SGCZ: variants seen among roughly 807,000 people sequenced by gnomAD.
The protein encoded by SGCZ is sarcoglycan zeta.
SGCZ carries 40 observed loss-of-function variants against 41.3 expected under a neutral mutation model. That is an observed-to-expected ratio of 0.97 (90% CI 0.75 to 1.26). The LOEUF is 1.26. SGCZ is among the 50% of genes most tolerant of loss of function. The probability of loss-of-function intolerance (pLI) is 0.00; values close to 1 mark genes in which losing one functional copy is unlikely to be tolerated. For synonymous variants in SGCZ, 206 were observed against 137.5 expected (o/e 1.50, Z -3.49); for missense variants, 552 against 369.8 (o/e 1.49, Z -4.04).
rs748773585 is a variant in SGCZ at position 14,324,240 on chromosome 8, A to G, written c.235-36T>C. The G allele has an allele frequency of 4.1e-6, 6 of 1,462,242 alleles. No individual in the cohort carries two copies. The East Asian group carries it at 1.4e-4, about 33-fold the overall frequency. 90.6% of individuals were successfully genotyped at this position (1,462,242 alleles called of 1,614,324 possible). A position where few individuals can be genotyped will look rare whatever the true frequency, so the allele number is the denominator to read the frequency against. ...TGAAATATAGTTCACTTTTAGGTTA[A>G]TTGGAGAATGAATATCTGGCCATAA... On this transcript the variant is annotated intron_variant, in intron 2 of 7. Transcript: ENST00000382080.
At chr8:14,221,658 G>C (rs1871101) in intron 4 of SGCZ, among the ~76,000 whole-genome samples, 7,194 of 151,964 alleles carry the variant, frequency 0.047, 212 homozygotes, top group Middle Eastern at 0.095. Context: ...AAGTGGGGTC[G>C]GGTGTGGTGG....
chr8:14,421,921 G>C (rs1799647747), intron 2 of SGCZ, among the ~76,000 whole-genome samples: 1 of 152,028 alleles, frequency 6.6e-6, no homozygotes, highest in Non-Finnish European at 1.5e-5. Context: ...GAAGCTTATG[G>C]GCCAAGACTT....
intron 1 of SGCZ, among the ~76,000 whole-genome samples, chr8:15,061,569 A>C (rs757179311): frequency 6.6e-6 from 1 of 151,884 alleles, no homozygotes; most frequent in Non-Finnish European, 1.5e-5. Flanking sequence ...ATAAATAAAT[A>C]AAAGGGCTTG....
intron 1 of SGCZ, among the ~76,000 whole-genome samples, chr8:14,638,406 A>G (rs1806906440): frequency 6.6e-6 from 1 of 151,828 alleles, no homozygotes; most frequent in Non-Finnish European, 1.5e-5. Context: ...TACATTCTCA[A>G]TGTCTCCCAG....
chr8:14,354,591 G>C (rs11991390), intron 2 of SGCZ, among the ~76,000 whole-genome samples: 1 of 151,460 alleles, frequency 6.6e-6, no homozygotes. Flanking sequence ...TAATACAAGA[G>C]TAAACTAGAG....
rs60363368 is a variant in SGCZ at position 15,097,916 on chromosome 8, G to GTATATA, written c.39+139663_39+139668dup. On this transcript the variant is annotated intron_variant, in intron 1 of 7. Transcript: ENST00000382080. ...TATATATATATATATATATACGTGT[G>GTATATA]TATATATATATATATACATACATAC... Among the ~76,000 whole-genome samples, 322 of 79,976 alleles carry GTATATA rather than the reference G, an allele frequency of 4.0e-3. 6 individuals carry two copies. The highest frequency in any genetic ancestry group is 5.8e-3 in the Non-Finnish European group (222 of 38,458). The allele number at this position is 79,976 out of a possible 152,430, so 52.5% of individuals were successfully genotyped here. A position where few individuals can be genotyped will look rare whatever the true frequency, so the allele number is the denominator to read the frequency against.
At chr8:15,025,059 T>C (rs1054796569) in intron 1 of SGCZ, among the ~76,000 whole-genome samples, 1 of 152,016 alleles carries the variant, frequency 6.6e-6, no homozygotes, top group Non-Finnish European at 1.5e-5. Context: ...CTTAAAATAC[T>C]CTCTAGGTTT....
Position 14,946,004 on chromosome 8 carries a change from CCATATA to C in SGCZ, c.39+291575_39+291580del, listed in dbSNP as rs1407431901. On this transcript the variant is annotated intron_variant, in intron 1 of 7. Coordinates refer to ENST00000382080, the MANE Select transcript of SGCZ (RefSeq NM_139167.4). ...AAGCCAATTCCCCTACTAAATGTCC[CCATATA>C]TATATATATATATATATATATATAT... 4.2e-3 allele frequency among the ~76,000 whole-genome samples: 190 copies of C among 45,754 alleles called. 7 individuals are homozygous for C. Among genetic ancestry groups the C allele is most frequent in the African/African-American group, 0.014 (157 of 11,318 alleles). 30.0% of individuals were successfully genotyped at this position (45,754 alleles called of 152,430 possible). A position where few individuals can be genotyped will look rare whatever the true frequency, so the allele number is the denominator to read the frequency against.
chr8:14,275,246 G>A (rs1222456995), intron 3 of SGCZ, among the ~76,000 whole-genome samples: 3 of 152,128 alleles, frequency 2.0e-5, no homozygotes, highest in Non-Finnish European at 4.4e-5. Context: ...GCCTAAATGA[G>A]ACTGCAAGTT....
intron 3 of SGCZ, chr8:14,319,414 C>G (rs2117020402): frequency 6.6e-6 from 1 of 152,088 alleles, no homozygotes; most frequent in Middle Eastern, 3.4e-3. Flanking sequence ...CAGTCAGACA[C>G]CCGAAGCATG....
chr8:14,643,796 T>C (rs1807111543), intron 1 of SGCZ, among the ~76,000 whole-genome samples: 1 of 151,756 alleles, frequency 6.6e-6, no homozygotes, highest in Non-Finnish European at 1.5e-5. Flanking sequence ...AGTCACATCC[T>C]AAATTGAAGG....
intron 1 of SGCZ, among the ~76,000 whole-genome samples, chr8:15,186,262 CAAAAAAA>C (rs61237091): frequency 3.7e-5 from 3 of 80,712 alleles, no homozygotes; most frequent in East Asian, 3.1e-4. Flanking sequence ...GATTCCGTAC[CAAAAAAA>C]AAAAAAAAAA....
At chr8:14,212,732 C>A (rs1805859818) in intron 4 of SGCZ, among the ~76,000 whole-genome samples, 1 of 151,874 alleles carries the variant, frequency 6.6e-6, no homozygotes, top group African/African-American at 2.4e-5. Flanking sequence ...ACAACTGAAG[C>A]CAACATTGAG....
At chr8:14,737,901 T>C (rs1799093082) in intron 1 of SGCZ, among the ~76,000 whole-genome samples, 1 of 152,134 alleles carries the variant, frequency 6.6e-6, no homozygotes, top group Non-Finnish European at 1.5e-5. Context: ...CTGTACTGAA[T>C]AGTTTAGATA....
At chr8:14,966,754 A>C (rs920269634) in intron 1 of SGCZ, among the ~76,000 whole-genome samples, 28 of 152,142 alleles carry the variant, frequency 1.8e-4, no homozygotes, top group African/African-American at 6.8e-4. Context: ...TGTTTTAAAC[A>C]AATAGTATAG....
chr8:14,637,722 T>C (rs1318269357), intron 1 of SGCZ, among the ~76,000 whole-genome samples: 2 of 151,922 alleles, frequency 1.3e-5, no homozygotes, highest in African/African-American at 4.8e-5. Context: ...TAACCCACTG[T>C]CAATGAGCAC....
intron 1 of SGCZ, among the ~76,000 whole-genome samples, chr8:14,789,976 T>G (rs1023083026): frequency 2.0e-5 from 3 of 152,212 alleles, no homozygotes; most frequent in African/African-American, 7.2e-5. Flanking sequence ...AAATGTACAT[T>G]GATTAAATGT....
chr8:14,159,173 AAG>A (rs1259988759), intron 5 of SGCZ, among the ~76,000 whole-genome samples: 1 of 152,126 alleles, frequency 6.6e-6, no homozygotes, highest in African/African-American at 2.4e-5. Flanking sequence ...CTAAAGCTAT[AAG>A]AGACACTTTA....
intron 2 of SGCZ, among the ~76,000 whole-genome samples, chr8:14,335,392 T>G (rs1802473635): frequency 1.3e-5 from 2 of 152,080 alleles, no homozygotes; most frequent in African/African-American, 4.8e-5. Flanking sequence ...AAGGATGAAT[T>G]TTTTTTCCTA....
Sources: allele counts gnomAD v4.1 joint callset (sites outside exome capture counted in the v4.1 genomes callset), GRCh38; gene constraint gnomAD v4.1.1; transcripts MANE v1.5; gene names NCBI Gene and HGNC (gene_info 2026-07-23, HGNC 2026-07-21).